CALN1: variants seen among roughly 807,000 people sequenced by gnomAD.
CALN1 encodes the protein calcium-binding protein 8.
A neutral mutation model predicts 30.6 loss-of-function variants in CALN1; 17 were observed. The ratio of observed to expected loss-of-function variants is 0.56; its 90% CI spans 0.38 to 0.83. The LOEUF is 0.83. CALN1 is among the 40% of genes least tolerant of loss of function. The probability of loss-of-function intolerance (pLI) is 0.00; values close to 1 mark genes in which losing one functional copy is unlikely to be tolerated. For missense variants in CALN1, 291 were observed against 354.9 expected (o/e 0.82, Z 1.45); for synonymous variants, 156 against 131.4 (o/e 1.19, Z -1.28).
chr7:72,351,258 T>G (rs1802903888), intron 2 of CALN1, among the ~76,000 whole-genome samples: 1 of 152,138 alleles, frequency 6.6e-6, no homozygotes, highest in South Asian at 2.1e-4. Flanking sequence ...ATCCTAGCCC[T>G]TTGGGAGGCT....
intron 2 of CALN1, among the ~76,000 whole-genome samples, chr7:72,394,175 C>T (rs74802010): frequency 0.029 from 4,383 of 152,242 alleles, 110 homozygotes; most frequent in South Asian, 0.1. Context: ...CTTGATCCTG[C>T]ACCCTCTCAC....
At chr7:72,460,503 G>T in the CALN1 span, among the ~76,000 whole-genome samples, 6 of 151,936 alleles carry the variant, frequency 3.9e-5, no homozygotes, top group African/African-American at 1.5e-4. Flanking sequence ...GTGGTGGCAG[G>T]TGCCTGTAGT....
chr7:72,063,957 T>C (rs1254110017), intron 4 of CALN1, among the ~76,000 whole-genome samples: 1 of 152,150 alleles, frequency 6.6e-6, no homozygotes, highest in Non-Finnish European at 1.5e-5. Flanking sequence ...GACATATGCC[T>C]TCTTGTAATA....
chr7:72,369,622 A>C (rs1804100098), intron 2 of CALN1, among the ~76,000 whole-genome samples: 1 of 152,078 alleles, frequency 6.6e-6, no homozygotes, highest in South Asian at 2.1e-4. Flanking sequence ...CGGCCTCCCA[A>C]AGTGCTGGGA....
chr7:71,807,906 T>G (rs1384578799), intron 6 of CALN1, among the ~76,000 whole-genome samples: 2 of 152,170 alleles, frequency 1.3e-5, no homozygotes, highest in Middle Eastern at 3.2e-3. Flanking sequence ...AAACCCCGTC[T>G]CTACTAAAAA....
chr7:71,910,148 A>C (rs1055329397), intron 5 of CALN1, among the ~76,000 whole-genome samples: 9 of 152,234 alleles, frequency 5.9e-5, no homozygotes, highest in African/African-American at 2.2e-4. Flanking sequence ...CTACAATTCA[A>C]GGTGAGATTT....
At chr7:72,134,731 G>A (rs1809385485) in intron 3 of CALN1, among the ~76,000 whole-genome samples, 1 of 152,102 alleles carries the variant, frequency 6.6e-6, no homozygotes, top group Non-Finnish European at 1.5e-5. Flanking sequence ...AGGTGCCTGT[G>A]GCAATTTCTT....
At chr7:71,973,743 C>T (rs1181392819) in intron 5 of CALN1, among the ~76,000 whole-genome samples, 1 of 152,024 alleles carries the variant, frequency 6.6e-6, no homozygotes, top group Non-Finnish European at 1.5e-5. Context: ...TCTCCATTAT[C>T]ACTGAAAATG....
At chr7:71,994,528 A>C (rs1049642553) in intron 5 of CALN1, among the ~76,000 whole-genome samples, 1 of 151,756 alleles carries the variant, frequency 6.6e-6, no homozygotes, top group Non-Finnish European at 1.5e-5. Context: ...AAAAAAAAAA[A>C]AAAAACAGTG....
intron 1 of CALN1, among the ~76,000 whole-genome samples, chr7:72,435,607 G>C (rs537927260): frequency 6.6e-6 from 1 of 152,168 alleles, no homozygotes; most frequent in South Asian, 2.1e-4. Context: ...GGCCAGCAGC[G>C]CTCTGTGAAT....
chr7:72,173,113 T>C (rs1789083910), intron 3 of CALN1, among the ~76,000 whole-genome samples: 1 of 152,004 alleles, frequency 6.6e-6, no homozygotes, highest in Non-Finnish European at 1.5e-5. Flanking sequence ...TTTAACAAGG[T>C]CATAGGATAC....
chr7:72,067,120 A>G (rs948387926), intron 4 of CALN1, among the ~76,000 whole-genome samples: 15 of 152,212 alleles, frequency 9.9e-5, no homozygotes, highest in African/African-American at 3.4e-4. Flanking sequence ...TTACTCCCCA[A>G]GTAGGATGGG....
At chr7:72,357,348 G>C (rs890132885) in intron 2 of CALN1, among the ~76,000 whole-genome samples, 9 of 152,142 alleles carry the variant, frequency 5.9e-5, no homozygotes, top group Admixed American at 4.6e-4. Context: ...CCACAGATCA[G>C]CTCCAGCGGA....
At chr7:72,154,228 T>TA (rs11386575) in intron 3 of CALN1, among the ~76,000 whole-genome samples, 38,155 of 145,148 alleles carry the variant, frequency 0.26, 5,735 homozygotes, top group Non-Finnish European at 0.36. Flanking sequence ...GAAGTAAAAT[T>TA]AAAAAAAAAA....
At chr7:72,072,253 T>C (rs1804449476) in intron 4 of CALN1, among the ~76,000 whole-genome samples, 1 of 151,874 alleles carries the variant, frequency 6.6e-6, no homozygotes, top group Non-Finnish European at 1.5e-5. Flanking sequence ...AAAGAGAAAA[T>C]CTTGAAAGTG....
intron 3 of CALN1, among the ~76,000 whole-genome samples, chr7:72,259,573 G>A (rs552023538): frequency 7.2e-5 from 11 of 152,204 alleles, no homozygotes; most frequent in African/African-American, 2.6e-4. Context: ...ATTAAGCTAA[G>A]CGGGAATCCC....
intron 3 of CALN1, among the ~76,000 whole-genome samples, chr7:72,254,418 G>A (rs1424656123): frequency 2.6e-5 from 4 of 152,134 alleles, no homozygotes; most frequent in Non-Finnish European, 4.4e-5. Context: ...AGAACAACGT[G>A]ATGCATGAGT....
intron 3 of CALN1, among the ~76,000 whole-genome samples, chr7:72,159,200 T>A (rs1424760675): frequency 6.6e-6 from 1 of 152,196 alleles, no homozygotes. Context: ...CTCTCACTGA[T>A]GAAGGCACTT....
intron 4 of CALN1, among the ~76,000 whole-genome samples, chr7:72,083,057 C>T (rs1390303902): frequency 1.3e-5 from 2 of 152,006 alleles, no homozygotes; most frequent in African/African-American, 4.8e-5. Flanking sequence ...AAAAATTAGC[C>T]AGGTGTGGTG....
Sources: gnomAD v4.1 joint callset for allele counts (sites outside exome capture counted in the v4.1 genomes callset) on GRCh38, gnomAD v4.1.1 for gene constraint, MANE v1.5 for transcripts, NCBI Gene and HGNC (gene_info 2026-07-23, HGNC 2026-07-21) for gene names.